CEP112: variants seen among roughly 807,000 people sequenced by gnomAD.
CEP112 encodes the protein centrosomal protein of 112 kDa.
In CEP112, 127 loss-of-function variants were observed where a neutral mutation model predicts 153.0. The observed-to-expected ratio is 0.83, with a 90% CI of 0.72 to 0.96. CEP112 has a LOEUF of 0.96. Ranked by LOEUF, CEP112 falls within the 40% of genes least tolerant of loss-of-function variation. The pLI, the probability that CEP112 is intolerant of heterozygous loss-of-function variation, is 0.00. For synonymous variants in CEP112, 358 were observed against 374.4 expected, an observed-to-expected ratio of 0.96 and a Z score of 0.51; for missense variants, 1,089 against 1,101.2, an observed-to-expected ratio of 0.99 and a Z score of 0.16.
intron 4 of CEP112, among the ~76,000 whole-genome samples, chr17:66,135,220 G>C (rs528719978): frequency 3.9e-5 from 6 of 152,308 alleles, no homozygotes; most frequent in African/African-American, 1.4e-4. Context: ...GAAGGCATTT[G>C]AGCCAACTGA....
At chr17:66,061,932 A>G (rs541756543) in intron 11 of CEP112, among the ~76,000 whole-genome samples, 4 of 152,260 alleles carry the variant, frequency 2.6e-5, no homozygotes, top group Admixed American at 2.6e-4. Context: ...GACCAGGTGG[A>G]AGTAACTGCA....
intron 24 of CEP112, among the ~76,000 whole-genome samples, chr17:65,670,674 C>T (rs1174273700): frequency 1.3e-5 from 2 of 152,174 alleles, no homozygotes; most frequent in Non-Finnish European, 2.9e-5. Context: ...TTCACATATG[C>T]TACAATCAGT....
chr17:65,727,618 A>G (rs989896281), intron 23 of CEP112, among the ~76,000 whole-genome samples: 1 of 152,252 alleles, frequency 6.6e-6, no homozygotes, highest in East Asian at 1.9e-4. Context: ...AGTTTCTAAC[A>G]GGAAACAGAA....
At chr17:66,099,205 A>T (rs929271286) in intron 6 of CEP112, among the ~76,000 whole-genome samples, 8 of 152,196 alleles carry the variant, frequency 5.3e-5, no homozygotes, top group African/African-American at 1.9e-4. Flanking sequence ...TCAAAGAATC[A>T]AAAGAAGACA....
chr17:65,655,136 A>C, intron 24 of CEP112: 1 of 736,762 alleles, frequency 1.4e-6, no homozygotes, highest in South Asian at 1.3e-5. Flanking sequence ...ATGGGAGATA[A>C]TAATGTCATT....
At chr17:65,792,299 A>T (rs1436619915) in intron 21 of CEP112, among the ~76,000 whole-genome samples, 1 of 152,238 alleles carries the variant, frequency 6.6e-6, no homozygotes, top group African/African-American at 2.4e-5. Context: ...CACAGATCGT[A>T]ATGGGGACTC....
rs566622765 is a variant in CEP112, at chr17:65,662,532, A to G, written c.2698-21467T>C. ...AGATTTTGTTCTTTCCGTTGAAGGC[A>G]TTTCTTTAATATTAAAAATGTACTG... On this transcript the variant is annotated intron_variant, in intron 24 of 26. Coordinates refer to ENST00000535342, the MANE Select transcript of CEP112 (RefSeq NM_001199165.4). Among the ~76,000 whole-genome samples the G allele has an allele frequency of 2.0e-5, 3 of 152,306 alleles. 1 individual carries two copies. In the South Asian group the frequency reaches 6.2e-4, roughly 32 times the overall value.
intron 23 of CEP112, among the ~76,000 whole-genome samples, chr17:65,698,568 A>G (rs760493272): frequency 6.6e-6 from 1 of 152,104 alleles, no homozygotes; most frequent in Non-Finnish European, 1.5e-5. Flanking sequence ...AACGCACCTC[A>G]TTCATGTTTT....
chr17:66,052,451 G>A (rs1460213266), intron 12 of CEP112, among the ~76,000 whole-genome samples: 1 of 152,154 alleles, frequency 6.6e-6, no homozygotes, highest in African/African-American at 2.4e-5. Context: ...TGTAAGGCAG[G>A]TTCCTAAAGA....
rs912165220 is a variant in CEP112, at chr17:66,132,710, G to A, written c.524C>T (p.Thr175Ile). The change falls in exon 5 of 27, where the codon ACT becomes ATT. Residue 175 changes from threonine (T) to isoleucine (I), a missense_variant. Transcript: ENST00000535342. ...AATATTTTGTCCATCTTCTCTGTGA[G>A]TTGGACTCAAGGAGTGTGATCTCAC... ...LRVRSHSLSP[T>I]HREDGQNITP... 6.2e-7 allele frequency: 1 copy of A among 1,613,830 alleles called. No individual in the cohort carries two copies. The highest frequency in any genetic ancestry group is 1.3e-5 in the African/African-American group (1 of 74,932).
chr17:65,971,948 C>T (rs1377125164), intron 17 of CEP112, among the ~76,000 whole-genome samples: 5 of 152,138 alleles, frequency 3.3e-5, no homozygotes, highest in East Asian at 1.9e-4. Context: ...AATTACATTT[C>T]GAGATTTCAA....
At chr17:65,671,441 G>A (rs1424188436) in intron 24 of CEP112, among the ~76,000 whole-genome samples, 1 of 152,148 alleles carries the variant, frequency 6.6e-6, no homozygotes, top group Non-Finnish European at 1.5e-5. Flanking sequence ...CAAGAAGAAT[G>A]GTGTTTCTAT....
At chr17:65,989,851 T>C (rs1205389814) in intron 17 of CEP112, among the ~76,000 whole-genome samples, 1 of 152,206 alleles carries the variant, frequency 6.6e-6, no homozygotes, top group Non-Finnish European at 1.5e-5. Context: ...AGATGTGTAA[T>C]TGAGACAACA....
chr17:66,111,637 T>C (rs942307406), intron 6 of CEP112, among the ~76,000 whole-genome samples: 1 of 152,006 alleles, frequency 6.6e-6, no homozygotes, highest in South Asian at 2.1e-4. Context: ...TGTTCTCACT[T>C]ATAAGTGAGA....
chr17:65,773,304 A>G (rs1425441622), intron 21 of CEP112, among the ~76,000 whole-genome samples: 7 of 152,212 alleles, frequency 4.6e-5, no homozygotes, highest in Non-Finnish European at 1.0e-4. Flanking sequence ...TTCAAGAAAT[A>G]TTTACTGAGC....
chr17:65,848,577 T>C (rs369246214), intron 21 of CEP112, among the ~76,000 whole-genome samples: 16 of 152,088 alleles, frequency 1.1e-4, no homozygotes, highest in African/African-American at 3.6e-4. Flanking sequence ...CCCCCTTGCT[T>C]TAACAGTCCC....
chr17:65,999,270 C>T (rs11652866), intron 17 of CEP112, among the ~76,000 whole-genome samples: 61,770 of 148,712 alleles, frequency 0.42, 14,188 homozygotes, highest in East Asian at 0.87. Context: ...TGGCACTATT[C>T]GGCTCACTGC....
chr17:65,799,834 C>G (rs1417882453), intron 21 of CEP112, among the ~76,000 whole-genome samples: 1 of 152,144 alleles, frequency 6.6e-6, no homozygotes, highest in African/African-American at 2.4e-5. Context: ...ACACTGGCAC[C>G]CACACACTGT....
intron 20 of CEP112, among the ~76,000 whole-genome samples, chr17:65,876,143 T>C (rs977956795): frequency 1.3e-5 from 2 of 152,204 alleles, no homozygotes; most frequent in Admixed American, 6.5e-5. Flanking sequence ...AGCTATACTG[T>C]GCAACTTTTC....
Sources: allele counts gnomAD v4.1 joint callset (sites outside exome capture counted in the v4.1 genomes callset), GRCh38; gene constraint gnomAD v4.1.1; transcripts MANE v1.5; gene names NCBI Gene and HGNC (gene_info 2026-07-23, HGNC 2026-07-21).